Variants in TMCO6 observed in about 807,000 individuals in gnomAD.
The protein encoded by TMCO6 is transmembrane and coiled-coil domain-containing protein 6.
A neutral mutation model predicts 61.8 loss-of-function variants in TMCO6; 47 were observed. The observed-to-expected ratio is 0.76, with a 90% CI of 0.60 to 0.97. The LOEUF (loss-of-function observed/expected upper bound fraction) is 0.97. Among genes scored for constraint, TMCO6 ranks in the 50% least tolerant of loss-of-function variants. The pLI is 0.00. For synonymous variants in TMCO6, 261 were observed against 254.2 expected (o/e 1.03, Z -0.25); for missense variants, 557 against 601.6 (o/e 0.93, Z 0.78).
At chr5:140,647,117 TG>T, downstream of TMCO6, 1 of 966,874 alleles carries the variant, frequency 1.0e-6, no homozygotes, top group Non-Finnish European at 1.5e-6. Flanking sequence ...AATTTCTTCA[TG>T]GAAACAAGAT....
the TMCO6 span, among the ~76,000 whole-genome samples, chr5:140,620,744 C>A: frequency 2.0e-5 from 3 of 152,204 alleles, no homozygotes; most frequent in African/African-American, 7.2e-5. Flanking sequence ...GGGTGGGTGG[C>A]TCACGCCTGT....
chr5:140,614,760 G>A, the TMCO6 span, among the ~76,000 whole-genome samples: 1 of 151,950 alleles, frequency 6.6e-6, no homozygotes, highest in South Asian at 2.1e-4. Flanking sequence ...GACTACAGGC[G>A]CCCGCCACCA....
chr5:140,620,842 C>G, the TMCO6 span, among the ~76,000 whole-genome samples: 2 of 152,010 alleles, frequency 1.3e-5, no homozygotes, highest in African/African-American at 4.8e-5. Flanking sequence ...GAGACCTTGC[C>G]TCTACAAAAA....
At chr5:140,610,797 T>C in the TMCO6 span, among the ~76,000 whole-genome samples, 23 of 152,338 alleles carry the variant, frequency 1.5e-4, no homozygotes, top group Admixed American at 1.2e-3. Context: ...CCTTGTTTTG[T>C]TGCTGATCTT....
At chr5:140,615,122 A>G in the TMCO6 span, among the ~76,000 whole-genome samples, 1 of 152,318 alleles carries the variant, frequency 6.6e-6, no homozygotes, top group South Asian at 2.1e-4. Context: ...CAAAATCAAC[A>G]CTGAAAAATC....
upstream of TMCO6, chr5:140,639,417 C>T (rs1312595401): frequency 8.5e-7 from 1 of 1,176,232 alleles, no homozygotes; most frequent in Non-Finnish European, 1.2e-6. Context: ...TCCTCGCGCC[C>T]TCCCCGCCTG....
At chr5:140,596,698 C>A in the TMCO6 span, among the ~76,000 whole-genome samples, 1 of 152,302 alleles carries the variant, frequency 6.6e-6, no homozygotes. Flanking sequence ...GGATGTCCTT[C>A]AACACTTTAG....
At chr5:140,645,443 G>T, downstream of TMCO6, 1 of 1,047,638 alleles carries the variant, frequency 9.5e-7, no homozygotes, top group Non-Finnish European at 1.4e-6. Context: ...AGGGGTAGAG[G>T]GTAGATGAGG....
upstream of TMCO6, chr5:140,639,440 G>A: frequency 7.3e-7 from 1 of 1,370,860 alleles, no homozygotes; most frequent in Non-Finnish European, 1.0e-6. Context: ...CCCGCCCTGT[G>A]CTGAGGCTGC....
upstream of TMCO6, chr5:140,639,435 C>A: frequency 7.5e-7 from 1 of 1,335,832 alleles, no homozygotes; most frequent in Non-Finnish European, 1.0e-6. Flanking sequence ...CTGTTCCCGC[C>A]CTGTGCTGAG....
Position 140,639,606 on chromosome 5 carries a change from G to C in TMCO6, c.79G>C (p.Glu27Gln), listed in dbSNP as rs902972845. The change falls in exon 1 of 12, where the codon GAG becomes CAG. Residue 27 changes from glutamate (E) to glutamine (Q), a missense_variant. Coordinates refer to ENST00000394671, the MANE Select transcript of TMCO6 (RefSeq NM_018502.5). Reference sequence around the variant, plus strand: ...GCTACGGCGCCGCCGGCGGGAGCGGGAGGCAGGTGTGGGCGGCCGAGGGAG... The same window carrying C: ...GCTACGGCGCCGCCGGCGGGAGCGGCAGGCAGGTGTGGGCGGCCGAGGGAG... ...EELRRRRREREAALRKARREQ... is the reference protein window; with the variant it reads ...EELRRRRRERQAALRKARREQ... 7 of 1,543,788 alleles carry C rather than the reference G, an allele frequency of 4.5e-6. No homozygotes were observed. The African/African-American group carries it at 9.6e-5, about 21-fold the overall frequency.
chr5:140,636,647 G>T (rs1404850077), upstream of TMCO6, among the ~76,000 whole-genome samples: 1 of 152,082 alleles, frequency 6.6e-6, no homozygotes, highest in East Asian at 1.9e-4. Flanking sequence ...CTCAGTAAAT[G>T]GCTCTCCAGG....
At chr5:140,642,238 A>C (rs1757084791) in intron 4 of TMCO6, 77 bp from the exon 5 acceptor site, 6 of 1,431,930 alleles carry the variant, frequency 4.2e-6, no homozygotes, top group Admixed American at 2.1e-5. Context: ...CGTCCCCATC[A>C]CCTCCCCTCC....
At chr5:140,632,804 A>G in the TMCO6 span, 1 of 1,613,820 alleles carries the variant, frequency 6.2e-7, no homozygotes, top group Non-Finnish European at 8.5e-7. The surrounding 1 kb of genome is among the most constrained non-coding windows in gnomAD (Gnocchi z 6.2). Flanking sequence ...GACCGCCGGC[A>G]TGGATCTCCA....
the TMCO6 span, among the ~76,000 whole-genome samples, chr5:140,628,951 A>G: frequency 6.6e-6 from 1 of 152,220 alleles, no homozygotes; most frequent in East Asian, 1.9e-4. Context: ...TATCCTGGAT[A>G]TGTGATGGGT....
rs1411970740 is a variant in TMCO6 at position 140,643,671 on chromosome 5, A to G, written c.914A>G (p.Glu305Gly). The change falls in exon 8 of 12, where the codon GAG (glutamate) becomes GGG (glycine). Residue 305 changes from glutamate (E) to glycine (G), a missense_variant. Physicochemically the swap from Glu to Gly is moderately conservative, Grantham distance 98. Coordinates refer to ENST00000394671, the MANE Select transcript of TMCO6 (RefSeq NM_018502.5). Reference sequence around the variant, plus strand: ...CAGAAAACCGAGGATGCAGGACTGGAGCTGGTAGGTGAAGATGTCAGGTGA... The same window carrying G: ...CAGAAAACCGAGGATGCAGGACTGGGGCTGGTAGGTGAAGATGTCAGGTGA... ...AVQKTEDAGL[E>G]LLACPVLRCL... 2 of 1,611,030 alleles carry G rather than the reference A, an allele frequency of 1.2e-6. No individual in the cohort carries two copies. The highest frequency in any genetic ancestry group is 8.5e-7 in the Non-Finnish European group (1 of 1,178,242).
intron 10 of TMCO6, 104 bp downstream of exon 10, chr5:140,644,298 G>C: frequency 1.5e-6 from 2 of 1,307,288 alleles, no homozygotes; most frequent in South Asian, 2.4e-5. Flanking sequence ...AGCAGGTGGT[G>C]GTGTGTGGCC....
At chr5:140,597,804 C>G in the TMCO6 span, among the ~76,000 whole-genome samples, 4 of 152,178 alleles carry the variant, frequency 2.6e-5, no homozygotes, top group Non-Finnish European at 4.4e-5. Context: ...TTACTGTCAA[C>G]TCAAATTTTG....
chr5:140,643,242 G>T, intron 7 of TMCO6: 1 of 757,170 alleles, frequency 1.3e-6, no homozygotes, highest in South Asian at 1.9e-5. Flanking sequence ...ACCCAGGCTG[G>T]ATGGAGTACA....
Sources: gnomAD v4.1 joint callset for allele counts (sites outside exome capture counted in the v4.1 genomes callset) on GRCh38, gnomAD v4.1.1 for gene constraint, Gnocchi (gnomAD v3.1) non-coding constraint, MANE v1.5 for transcripts, NCBI Gene and HGNC (gene_info 2026-07-23, HGNC 2026-07-21) for gene names.